The following CPXM2 variants were observed in gnomAD, a reference collection of about 807,000 sequenced individuals.
CPXM2 encodes the protein inactive carboxypeptidase-like protein X2.
In CPXM2, 66 loss-of-function variants were observed where a neutral mutation model predicts 86.1. The ratio of observed to expected loss-of-function variants is 0.77; its 90% CI spans 0.63 to 0.94. The LOEUF (loss-of-function observed/expected upper bound fraction) is 0.94, where lower values mean the gene tolerates loss of function less well. Ranked by LOEUF, CPXM2 falls within the 40% of genes least tolerant of loss-of-function variation. The pLI is 0.00. For synonymous variants in CPXM2, 388 were observed against 400.2 expected (o/e 0.97, Z 0.36); for missense variants, 948 against 1,026.3 (o/e 0.92, Z 1.04).
intron 2 of CPXM2, among the ~76,000 whole-genome samples, chr10:123,915,810 T>C (rs1410502946): frequency 6.6e-6 from 1 of 152,060 alleles, no homozygotes; most frequent in South Asian, 2.1e-4. Context: ...ACCGAGAAAG[T>C]GCTCTATGAA....
chr10:123,917,265 C>A (rs190911259), intron 2 of CPXM2, among the ~76,000 whole-genome samples: 9 of 152,192 alleles, frequency 5.9e-5, no homozygotes, highest in Non-Finnish European at 1.3e-4. Flanking sequence ...ATTCAGGATC[C>A]GCTTTGATGT....
chr10:123,863,905 A>C (rs1848918300), intron 2 of CPXM2, among the ~76,000 whole-genome samples: 1 of 152,218 alleles, frequency 6.6e-6, no homozygotes, highest in Non-Finnish European at 1.5e-5. Flanking sequence ...CTTGGAGCTC[A>C]CAGTCCCCAG....
chr10:123,917,908 G>C (rs1945547037), intron 2 of CPXM2, among the ~76,000 whole-genome samples: 1 of 152,192 alleles, frequency 6.6e-6, no homozygotes, highest in Non-Finnish European at 1.5e-5. Context: ...GGATACAGTG[G>C]TACAGGAGAC....
intron 6 of CPXM2, among the ~76,000 whole-genome samples, chr10:123,793,011 A>G (rs978890916): frequency 2.0e-5 from 3 of 152,168 alleles, no homozygotes; most frequent in African/African-American, 7.2e-5. Context: ...TGTGAGGAAC[A>G]TTTGTGTTAT....
chr10:123,835,286 G>A (rs921262112), intron 4 of CPXM2, among the ~76,000 whole-genome samples: 4 of 152,066 alleles, frequency 2.6e-5, no homozygotes, highest in Admixed American at 6.5e-5. Context: ...CAAATAAAGC[G>A]GGGTGGAAGC....
At position 123,891,460 on chromosome 10, in the gene CPXM2, TC is replaced by T; in HGVS notation, c.199del (p.Glu67ArgfsTer44). 6.5e-7 allele frequency: 1 copy of T among 1,549,378 alleles called. No individual in the cohort carries two copies. The highest frequency in any genetic ancestry group is 1.4e-5 in the African/African-American group (1 of 72,706). ...CTCCTGCGGGCGCCGCTCCCACTCC[TC>T]CCCGGGCCCCGCAGGCAGCGGCGGA... The part of the protein sequence containing the change: ...FSPPLPAGPG[E>X]EWERRPQEPR... On this transcript the variant is annotated frameshift_variant, in exon 1 of 14. Transcript: ENST00000241305. LOFTEE classifies it high-confidence loss of function. This position sits in a 1 kb window ranked among gnomAD's most constrained non-coding sequence, Gnocchi z 5.6.
intron 11 of CPXM2, among the ~76,000 whole-genome samples, chr10:123,758,357 A>G (rs1846262131): frequency 6.6e-6 from 1 of 152,042 alleles, no homozygotes; most frequent in Non-Finnish European, 1.5e-5. Context: ...TGACTCTTGC[A>G]GCTTCTGGGG....
upstream of CPXM2, among the ~76,000 whole-genome samples, chr10:123,942,910 C>T (rs1215794809): frequency 2.0e-5 from 3 of 152,280 alleles, no homozygotes; most frequent in East Asian, 5.8e-4. Flanking sequence ...ATATTTTTAC[C>T]TTACCCTTTC....
intron 4 of CPXM2, among the ~76,000 whole-genome samples, chr10:123,820,506 C>T (rs1847902687): frequency 6.6e-6 from 1 of 152,208 alleles, no homozygotes; most frequent in Admixed American, 6.5e-5. Context: ...CCTATGAAGG[C>T]CTCTGAGAGC....
intron 3 of CPXM2, among the ~76,000 whole-genome samples, chr10:123,854,424 ATATATATATAATATACT>A (rs1436452612): frequency 0.032 from 3,874 of 122,380 alleles, 99 homozygotes; most frequent in Non-Finnish European, 0.046. Context: ...AAAATATATA[ATATATATATAATATACT>A]TTTATATATA....
chr10:123,933,779 G>A (rs979733219), intron 2 of CPXM2, among the ~76,000 whole-genome samples: 2 of 151,924 alleles, frequency 1.3e-5, no homozygotes. Flanking sequence ...CTAAACCCAG[G>A]CTTCCCCACC....
chr10:123,762,411 G>A (rs915348099), intron 10 of CPXM2, among the ~76,000 whole-genome samples: 1 of 152,092 alleles, frequency 6.6e-6, no homozygotes, highest in Non-Finnish European at 1.5e-5. Flanking sequence ...GGAATAACAG[G>A]GGAAATGTGA....
chr10:123,927,306 C>A (rs2134283655), intron 2 of CPXM2, among the ~76,000 whole-genome samples: 1 of 152,320 alleles, frequency 6.6e-6, no homozygotes, highest in Middle Eastern at 3.4e-3. Context: ...GCCCCTGTGC[C>A]TCAGTGTTCT....
intron 6 of CPXM2, among the ~76,000 whole-genome samples, chr10:123,789,892 G>T (rs1171363749): frequency 2.0e-5 from 3 of 152,140 alleles, no homozygotes; most frequent in Non-Finnish European, 1.5e-5. Context: ...GCCGAGGCAG[G>T]CGGATCACGA....
intron 6 of CPXM2, among the ~76,000 whole-genome samples, chr10:123,783,988 A>G (rs1407634350): frequency 6.6e-6 from 1 of 152,122 alleles, no homozygotes; most frequent in African/African-American, 2.4e-5. Flanking sequence ...GCTCTGTCCA[A>G]ATTGGTCTAC....
At chr10:123,770,830 T>A in intron 8 of CPXM2, 86 bp downstream of exon 8, 1 of 1,416,122 alleles carries the variant, frequency 7.1e-7, no homozygotes, top group Non-Finnish European at 9.6e-7. Flanking sequence ...GTGGCATGAA[T>A]CTTCTCATAG....
chr10:123,811,143 C>A (rs201675693), intron 4 of CPXM2, among the ~76,000 whole-genome samples: 1 of 90,252 alleles, frequency 1.1e-5, no homozygotes, highest in African/African-American at 4.9e-5. Context: ...TTTTTTTTTT[C>A]TTTTTTCTTT....
At chr10:123,783,861 T>C (rs1423086603) in intron 6 of CPXM2, among the ~76,000 whole-genome samples, 1 of 152,200 alleles carries the variant, frequency 6.6e-6, no homozygotes, top group African/African-American at 2.4e-5. Flanking sequence ...CTCCTGTATA[T>C]GGAAAACTAG....
intron 2 of CPXM2, among the ~76,000 whole-genome samples, chr10:123,917,381 A>C (rs1002330059): frequency 2.0e-5 from 3 of 152,240 alleles, no homozygotes; most frequent in Non-Finnish European, 4.4e-5. Context: ...TTTTTTCAAC[A>C]CTTTCTTTCA....
Sources: allele counts gnomAD v4.1 joint callset (sites outside exome capture counted in the v4.1 genomes callset), GRCh38; gene constraint gnomAD v4.1.1; non-coding constraint Gnocchi (gnomAD v3.1); transcripts MANE v1.5; gene names NCBI Gene and HGNC (gene_info 2026-07-23, HGNC 2026-07-21).